The following SUPT3H variants were observed in gnomAD, a reference collection of about 807,000 sequenced individuals.
The protein encoded by SUPT3H is transcription initiation protein SPT3 homolog.
A neutral mutation model predicts 44.3 loss-of-function variants in SUPT3H; 44 were observed. That is an observed-to-expected ratio of 0.99 (90% confidence interval 0.78 to 1.28). The LOEUF (loss-of-function observed/expected upper bound fraction) is 1.28, where lower values mean the gene tolerates loss of function less well. Among genes scored for constraint, SUPT3H ranks in the 50% most tolerant of loss-of-function variants. The probability of loss-of-function intolerance (pLI) is 0.00; values close to 1 mark genes in which losing one functional copy is unlikely to be tolerated. For missense variants in SUPT3H, 380 were observed against 387.1 expected (o/e 0.98, Z 0.15); for synonymous variants, 124 against 125.6 (o/e 0.99, Z 0.09).
chr6:45,220,522 T>C (rs1169525732), intron 2 of SUPT3H, among the ~76,000 whole-genome samples: 1 of 152,120 alleles, frequency 6.6e-6, no homozygotes, highest in African/African-American at 2.4e-5. Context: ...AAGGCAAAGA[T>C]ATCCACTCTC....
Position 45,224,421 on chromosome 6 carries a change from G to A in SUPT3H, c.102-118415C>T, listed in dbSNP as rs537227119. 1.8e-3 allele frequency among the ~76,000 whole-genome samples: 279 copies of A among 152,144 alleles called. 1 individual carries two copies. Among genetic ancestry groups the A allele is most frequent in the African/African-American group, 6.2e-3 (258 of 41,502 alleles). ...ACTGAGTTTACTATTTTAAATAAAT[G>A]GTAGTGACACTTCACAGTGTACAGC... On this transcript the variant is annotated intron_variant, in intron 2 of 10. Transcript: ENST00000371459.
chr6:44,970,472 A>T (rs998100617), intron 6 of SUPT3H, among the ~76,000 whole-genome samples: 3 of 152,196 alleles, frequency 2.0e-5, no homozygotes, highest in Non-Finnish European at 2.9e-5. Context: ...TCGGTTGGCA[A>T]ATAACATAAA....
At chr6:45,357,070 G>A (rs527667674) in intron 2 of SUPT3H, among the ~76,000 whole-genome samples, 13 of 152,142 alleles carry the variant, frequency 8.5e-5, no homozygotes, top group African/African-American at 2.9e-4. Context: ...GCAGTGGCAC[G>A]ATCTCGGCTC....
At chr6:44,867,130 C>T (rs1241825482) in intron 10 of SUPT3H, among the ~76,000 whole-genome samples, 1 of 151,466 alleles carries the variant, frequency 6.6e-6, no homozygotes. Context: ...ACTTTTTAGA[C>T]AGTTACTTAT....
At chr6:45,375,826 TAAA>T (rs552598332) in intron 1 of SUPT3H, among the ~76,000 whole-genome samples, 24 of 145,266 alleles carry the variant, frequency 1.7e-4, no homozygotes, top group African/African-American at 5.3e-4. Flanking sequence ...ACACTTGCTT[TAAA>T]AAAAAAAAAC....
chr6:44,850,790 AT>A lies in SUPT3H; in HGVS notation c.913-20934del, dbSNP rs1772755412. The stretch of plus-strand genomic sequence containing the variant: ...TATCTATCTATCTATCTATCTATCT[AT>A]CTATAAATGTACCTTGTATGTACAA... On this transcript the variant is annotated intron_variant, in intron 10 of 10. Coordinates refer to ENST00000371459, the MANE Select transcript of SUPT3H (RefSeq NM_003599.4). Among the ~76,000 whole-genome samples, 6 of 152,052 alleles carry A rather than the reference AT, an allele frequency of 3.9e-5. No individual in the cohort carries two copies. In the South Asian group the frequency reaches 6.3e-4, roughly 16 times the overall value.
In SUPT3H at chr6:44,872,837, G is replaced by C. The variant is rs868526940; in HGVS notation, c.913-42980C>G. Among the ~76,000 whole-genome samples the C allele has an allele frequency of 5.9e-3, 189 of 31,930 alleles. 5 individuals carry two copies. Among genetic ancestry groups the C allele is most frequent in the African/African-American group, 0.017 (178 of 10,380 alleles). The allele number at this position is 31,930 out of a possible 152,430, so 20.9% of individuals were successfully genotyped here. Reference sequence around the variant, plus strand: ...AGCCAATGGAAAACAAAAAAAGGCAGGGGTTGCAATCCTAGTCTCTGATAA... The same window carrying C: ...AGCCAATGGAAAACAAAAAAAGGCACGGGTTGCAATCCTAGTCTCTGATAA... On this transcript the variant is annotated intron_variant, in intron 10 of 10. Coordinates refer to ENST00000371459, the MANE Select transcript of SUPT3H (RefSeq NM_003599.4).
intron 2 of SUPT3H, among the ~76,000 whole-genome samples, chr6:45,150,155 C>T (rs1431304185): frequency 6.6e-6 from 1 of 151,896 alleles, no homozygotes; most frequent in Non-Finnish European, 1.5e-5. Context: ...ACTCATGATT[C>T]CAGGAGCTAC....
At chr6:45,282,524 G>C (rs534670883) in intron 2 of SUPT3H, among the ~76,000 whole-genome samples, 1 of 152,038 alleles carries the variant, frequency 6.6e-6, no homozygotes, top group Non-Finnish European at 1.5e-5. Flanking sequence ...AGTGAGAAGA[G>C]AAGTTTCGAA....
intron 2 of SUPT3H, among the ~76,000 whole-genome samples, chr6:45,333,234 A>C (rs1581658257): frequency 6.6e-6 from 1 of 151,680 alleles, no homozygotes; most frequent in Admixed American, 6.6e-5. Flanking sequence ...ATGTGTTACG[A>C]TTCAAAAAAT....
chr6:44,906,599 A>G (rs1445688650), intron 10 of SUPT3H, among the ~76,000 whole-genome samples: 1 of 152,110 alleles, frequency 6.6e-6, no homozygotes, highest in African/African-American at 2.4e-5. Context: ...CGTCTCTAAT[A>G]AAAATACAAA....
intron 10 of SUPT3H, among the ~76,000 whole-genome samples, chr6:44,928,882 C>CAAAAAAAAAAAAAAAA (rs35656937): frequency 1.3e-3 from 27 of 20,608 alleles, no homozygotes; most frequent in East Asian, 3.5e-3. Context: ...GACTCCGTCT[C>CAAAAAAAAAAAAAAAA]AAAAAAAAAA....
chr6:44,828,659 A>G lies in SUPT3H; in HGVS notation c.*1157T>C, dbSNP rs2153408301. On this transcript the variant is annotated 3_prime_UTR_variant, in exon 11 of 11. Transcript: ENST00000371459. ...TTCTACTTTCTTTACCCTTAAATCT[A>G]GGAAGCAGTATCAAGAGAGGCTTGC... 6.6e-6 allele frequency: 1 copy of G among 152,332 alleles called. No homozygotes were observed. Among genetic ancestry groups the G allele is most frequent in the South Asian group, 2.1e-4 (1 of 4,828 alleles). The allele number at this position is 152,332 out of a possible 1,614,324, so 9.4% of individuals were successfully genotyped here. A position where few individuals can be genotyped will look rare whatever the true frequency, so the allele number is the denominator to read the frequency against.
chr6:44,942,531 A>C (rs1036064959), intron 9 of SUPT3H, among the ~76,000 whole-genome samples: 1 of 152,208 alleles, frequency 6.6e-6, no homozygotes, highest in Non-Finnish European at 1.5e-5. Context: ...ATGAGAAAGG[A>C]AATCCCCAAA....
intron 10 of SUPT3H, among the ~76,000 whole-genome samples, chr6:44,905,989 C>G (rs2153450693): frequency 6.6e-6 from 1 of 152,028 alleles, no homozygotes; most frequent in South Asian, 2.1e-4. Flanking sequence ...AACACATAGA[C>G]ACAGGAAGGG....
At chr6:44,900,357 G>T (rs917169623) in intron 10 of SUPT3H, among the ~76,000 whole-genome samples, 1 of 152,180 alleles carries the variant, frequency 6.6e-6, no homozygotes, top group African/African-American at 2.4e-5. Context: ...CTTAGCAAAC[G>T]GCACACCAGG....
chr6:45,266,778 A>G (rs1324900872), intron 2 of SUPT3H, among the ~76,000 whole-genome samples: 2 of 152,082 alleles, frequency 1.3e-5, no homozygotes, highest in African/African-American at 4.8e-5. Flanking sequence ...TTACAGAGGT[A>G]GCCATTAAGG....
chr6:45,295,524 CAAAA>C (rs752887669), intron 2 of SUPT3H, among the ~76,000 whole-genome samples: 1 of 40,058 alleles, frequency 2.5e-5, no homozygotes, highest in Non-Finnish European at 4.4e-5. Context: ...TTTTGCACAG[CAAAA>C]AAAAAAAAAA....
rs115680411 is a variant in SUPT3H at position 44,880,145 on chromosome 6, A to G, written c.913-50288T>C. On this transcript the variant is annotated intron_variant, in intron 10 of 10. Transcript: ENST00000371459. ...AAACTTCTCCGAGCTAAAGGAGCAT[A>G]TTCCAACCCAAAGCAAGAAAGCTGA... is the stretch of plus-strand genomic sequence containing the variant. Among the ~76,000 whole-genome samples the G allele has an allele frequency of 6.5e-3, 989 of 152,190 alleles. 13 individuals are homozygous for G. The highest frequency in any genetic ancestry group is 0.022 in the African/African-American group (934 of 41,542).
Sources: gnomAD v4.1 joint callset for allele counts (sites outside exome capture counted in the v4.1 genomes callset) on GRCh38, gnomAD v4.1.1 for gene constraint, MANE v1.5 for transcripts, NCBI Gene and HGNC (gene_info 2026-07-23, HGNC 2026-07-21) for gene names.